MGST1: variants seen among roughly 807,000 people sequenced by gnomAD.
MGST1 encodes glutathione S-transferase 12.
A neutral mutation model predicts 8.9 loss-of-function variants in MGST1; 5 were observed. That is an observed-to-expected ratio of 0.56 (90% CI 0.29 to 1.19). The LOEUF (loss-of-function observed/expected upper bound fraction) is 1.19. Among genes scored for constraint, MGST1 ranks in the 50% most tolerant of loss-of-function variants. The probability of loss-of-function intolerance (pLI) is 0.08; values close to 1 mark genes in which losing one functional copy is unlikely to be tolerated. For synonymous variants in MGST1, 54 were observed against 67.8 expected, an observed-to-expected ratio of 0.80 and a Z score of 1.00; for missense variants, 182 against 187.4, an observed-to-expected ratio of 0.97 and a Z score of 0.17.
At chr12:16,550,751 A>G (rs1217301367) in intron 4 of MGST1, 1 of 153,712 alleles carries the variant, frequency 6.5e-6, no homozygotes, top group Admixed American at 6.5e-5. Flanking sequence ...TTGCTTTTCA[A>G]TTCTTTACTA....
chr12:16,571,023 T>C (rs1050020595), intron 4 of MGST1, among the ~76,000 whole-genome samples: 1 of 152,060 alleles, frequency 6.6e-6, no homozygotes, highest in Non-Finnish European at 1.5e-5. Flanking sequence ...CCCTAAAACT[T>C]AAAGTATAAT....
At chr12:16,542,212 C>T (rs548172026) in intron 4 of MGST1, among the ~76,000 whole-genome samples, 1 of 152,202 alleles carries the variant, frequency 6.6e-6, no homozygotes. Flanking sequence ...AATGGCTATT[C>T]CTGGATGCAA....
chr12:16,370,869 G>A (rs1940280653), intron 3 of MGST1, among the ~76,000 whole-genome samples: 1 of 152,110 alleles, frequency 6.6e-6, no homozygotes, highest in Non-Finnish European at 1.5e-5. Flanking sequence ...ATCAAGATGT[G>A]GAAATAATTA....
At chr12:16,452,821 G>A (rs1357691788) in intron 4 of MGST1, among the ~76,000 whole-genome samples, 2 of 152,012 alleles carry the variant, frequency 1.3e-5, no homozygotes, top group African/African-American at 4.8e-5. Context: ...GCATTAAAAT[G>A]TTCTGGCCTT....
chr12:16,509,100 T>C (rs1941559523), intron 4 of MGST1, among the ~76,000 whole-genome samples: 1 of 152,174 alleles, frequency 6.6e-6, no homozygotes, highest in Non-Finnish European at 1.5e-5. Context: ...TTAAAAAGCA[T>C]TTGGCTAAAC....
At chr12:16,429,635 T>A (rs1386702385) in intron 1 of MGST1, among the ~76,000 whole-genome samples, 1 of 152,176 alleles carries the variant, frequency 6.6e-6, no homozygotes, top group Non-Finnish European at 1.5e-5. Flanking sequence ...CATTTAAAAA[T>A]TATGTTTATA....
At chr12:16,589,849 G>A (rs1943435831), downstream of MGST1, among the ~76,000 whole-genome samples, 1 of 152,008 alleles carries the variant, frequency 6.6e-6, no homozygotes, top group Non-Finnish European at 1.5e-5. This position sits in a 1 kb window ranked among gnomAD's most constrained non-coding sequence, Gnocchi z 4.2. Flanking sequence ...ACAGAAAAAA[G>A]CCCCCAAGAT....
exon 4 of MGST1, chr12:16,376,310 A>C (rs1470667192): frequency 8.3e-6 from 4 of 480,596 alleles, no homozygotes; most frequent in Non-Finnish European, 1.5e-5. Flanking sequence ...GCTGTTAACA[A>C]CACAAAAAGA....
intron 1 of MGST1, among the ~76,000 whole-genome samples, chr12:16,408,051 A>AAC (rs1940711361): frequency 7.0e-6 from 1 of 142,262 alleles, no homozygotes; most frequent in Admixed American, 7.3e-5. Context: ...AAAAAAAAAA[A>AAC]AAAAAAAGAC....
chr12:16,509,042 G>T (rs1413105531), intron 4 of MGST1, among the ~76,000 whole-genome samples: 1 of 152,064 alleles, frequency 6.6e-6, no homozygotes, highest in Non-Finnish European at 1.5e-5. Context: ...TTAACCATAG[G>T]ACTTGAATTA....
chr12:16,455,797 TTA>T (rs1480914493), intron 4 of MGST1, among the ~76,000 whole-genome samples: 3 of 151,800 alleles, frequency 2.0e-5, no homozygotes, highest in African/African-American at 4.8e-5. Context: ...TTCCTAAAGT[TTA>T]TGTTTTGCAA....
intron 4 of MGST1, among the ~76,000 whole-genome samples, chr12:16,488,040 A>G (rs1376066338): frequency 6.6e-6 from 1 of 152,216 alleles, no homozygotes; most frequent in Non-Finnish European, 1.5e-5. Context: ...TGGATTAAGA[A>G]ATAAAGGATT....
At chr12:16,575,598 T>C (rs1026606842) in intron 4 of MGST1, among the ~76,000 whole-genome samples, 5 of 152,070 alleles carry the variant, frequency 3.3e-5, no homozygotes, top group Admixed American at 1.3e-4. Context: ...ATTCATCCAT[T>C]TTATGGATGA....
At chr12:16,374,256 GT>G (rs1281867110) in intron 3 of MGST1, among the ~76,000 whole-genome samples, 1 of 151,990 alleles carries the variant, frequency 6.6e-6, no homozygotes, top group African/African-American at 2.4e-5. Flanking sequence ...TAACATCTTT[GT>G]TTTTTCCTGG....
At chr12:16,516,122 T>C (rs1941613252) in intron 4 of MGST1, among the ~76,000 whole-genome samples, 1 of 152,242 alleles carries the variant, frequency 6.6e-6, no homozygotes, top group South Asian at 2.1e-4. Flanking sequence ...TTGGGTTGTA[T>C]GCCCATGCTG....
At chr12:16,551,205 G>A (rs1941978008) in intron 4 of MGST1, 3 of 1,434,938 alleles carry the variant, frequency 2.1e-6, no homozygotes, top group East Asian at 4.5e-5. Flanking sequence ...TATTCTTAAT[G>A]GGGTGATGTT....
At position 16,401,206 on chromosome 12, in the gene MGST1, G is replaced by A; in HGVS notation, n.778+17602G>A. ...TGGGCCATCCTCATCCATAAGCACT[G>A]TGTCACTAAGGAACAGGGCATAGGT... On this transcript the variant is annotated intron_variant and non_coding_transcript_variant, in intron 1 of 1. Coordinates refer to the MGST1 transcript ENST00000359720. The surrounding 1 kb of genome is among the most constrained non-coding windows in gnomAD (Gnocchi z 4.3). 1 of 1,560,684 alleles carries A rather than the reference G, an allele frequency of 6.4e-7. No individual in the cohort carries two copies. Among genetic ancestry groups the A allele is most frequent in the Non-Finnish European group, 8.8e-7 (1 of 1,133,660 alleles).
At chr12:16,502,726 C>T (rs1307852423) in intron 4 of MGST1, among the ~76,000 whole-genome samples, 1 of 152,124 alleles carries the variant, frequency 6.6e-6, no homozygotes, top group Non-Finnish European at 1.5e-5. Context: ...AGAAACAGCA[C>T]CCTCCTCTCT....
Position 16,524,760 on chromosome 12 carries a change from G to C in MGST1, n.483-64768G>C, listed in dbSNP as rs193044955. On this transcript the variant is annotated intron_variant and non_coding_transcript_variant, in intron 4 of 4. Coordinates refer to the MGST1 transcript ENST00000538857. The stretch of plus-strand genomic sequence containing the variant: ...TGTACAAACCCATCTATTATATACA[G>C]AGCTTACATATTTATGCTGTGTAAG... Among the ~76,000 whole-genome samples the C allele has an allele frequency of 2.2e-4, 33 of 152,058 alleles. No homozygotes were observed. The East Asian group carries it at 5.4e-3, about 25-fold the overall frequency.
Sources: gnomAD v4.1 joint callset for allele counts (sites outside exome capture counted in the v4.1 genomes callset) on GRCh38, gnomAD v4.1.1 for gene constraint, Gnocchi (gnomAD v3.1) non-coding constraint, MANE v1.5 for transcripts, NCBI Gene and HGNC (gene_info 2026-07-23, HGNC 2026-07-21) for gene names.